EHBP1: variants seen among roughly 807,000 people sequenced by gnomAD.
EHBP1 encodes EH domain binding protein 1.
In EHBP1, 55 loss-of-function variants were observed where a neutral mutation model predicts 144.0. The ratio of observed to expected loss-of-function variants is 0.38; its 90% CI spans 0.31 to 0.48. The LOEUF (loss-of-function observed/expected upper bound fraction) is 0.48. EHBP1 is among the 20% of genes least tolerant of loss of function. EHBP1 has a pLI of 0.98. For synonymous variants in EHBP1, 469 were observed against 472.7 expected (o/e 0.99, Z 0.10); for missense variants, 1,200 against 1,364.2 (o/e 0.88, Z 1.90).
At chr2:62,757,428 T>A (rs2040390555) in intron 3 of EHBP1, among the ~76,000 whole-genome samples, 2 of 140,986 alleles carry the variant, frequency 1.4e-5, no homozygotes, top group Non-Finnish European at 3.1e-5. Flanking sequence ...TTTTTTTTCT[T>A]TTTTTTTTTT....
intron 2 of EHBP1, among the ~76,000 whole-genome samples, chr2:62,732,417 GTGTTCAGTTGTAA>G (rs1558570251): frequency 1.3e-5 from 2 of 152,046 alleles, no homozygotes; most frequent in African/African-American, 4.8e-5. Context: ...CCCAAATCTC[GTGTTCAGTTGTAA>G]TCCCCAATTT....
chr2:62,739,160 G>GA (rs1296901643), intron 2 of EHBP1, among the ~76,000 whole-genome samples: 1 of 152,184 alleles, frequency 6.6e-6, no homozygotes, highest in African/African-American at 2.4e-5. Context: ...GATGCAACCA[G>GA]AAAAAAGTTG....
At chr2:62,902,390 G>C (rs918747437) in intron 10 of EHBP1, among the ~76,000 whole-genome samples, 4 of 152,120 alleles carry the variant, frequency 2.6e-5, no homozygotes, top group African/African-American at 9.7e-5. Context: ...AGGAGGGGAA[G>C]AGTAAAAATA....
intron 4 of EHBP1, among the ~76,000 whole-genome samples, chr2:62,765,284 C>G (rs535327458): frequency 1.6e-4 from 25 of 152,072 alleles, no homozygotes; most frequent in South Asian, 4.1e-4. Flanking sequence ...GCCTCTTGGT[C>G]TCATTAAAAT....
At chr2:62,946,021 T>C (rs976190358) in intron 12 of EHBP1, among the ~76,000 whole-genome samples, 1 of 152,226 alleles carries the variant, frequency 6.6e-6, no homozygotes, top group African/African-American at 2.4e-5. Flanking sequence ...AATTAAATTA[T>C]ATCTTTGGGT....
intron 2 of EHBP1, among the ~76,000 whole-genome samples, chr2:62,736,453 A>G (rs1168854044): frequency 7.2e-5 from 11 of 151,736 alleles, no homozygotes; most frequent in Admixed American, 7.2e-4. Context: ...CGAACTCCTG[A>G]CCTCAAGTGA....
At chr2:62,699,171 A>C (rs1437781598) in intron 1 of EHBP1, among the ~76,000 whole-genome samples, 2 of 152,232 alleles carry the variant, frequency 1.3e-5, no homozygotes, top group Admixed American at 1.3e-4. Context: ...ATACAAATAT[A>C]ATCATCTATG....
chr2:62,996,841 G>A lies in EHBP1; in HGVS notation c.3103+75G>A, dbSNP rs562213438. On this transcript the variant is annotated intron_variant, in intron 19 of 22. Transcript: ENST00000431489. ...CAAACTCTTATAGAGTTTTGGAAGT[G>A]TGAATCTTTGAAGCCTGAATGTTCA... 3.8e-6 allele frequency: 6 copies of A among 1,563,362 alleles called. No individual in the cohort carries two copies. The African/African-American group carries it at 5.6e-5, about 15-fold the overall frequency.
intron 10 of EHBP1, among the ~76,000 whole-genome samples, chr2:62,882,163 G>A (rs1434913144): frequency 6.6e-6 from 1 of 152,164 alleles, no homozygotes; most frequent in Non-Finnish European, 1.5e-5. Flanking sequence ...TTGTTTGCCT[G>A]TATTTTTATT....
chr2:63,027,296 A>G (rs2061023066), intron 19 of EHBP1, among the ~76,000 whole-genome samples: 1 of 152,188 alleles, frequency 6.6e-6, no homozygotes, highest in Non-Finnish European at 1.5e-5. Flanking sequence ...TCTCTTTGAG[A>G]CATTGTTGTT....
intron 1 of EHBP1, among the ~76,000 whole-genome samples, chr2:62,687,321 C>A (rs1291984776): frequency 6.6e-6 from 1 of 152,152 alleles, no homozygotes; most frequent in Non-Finnish European, 1.5e-5. Context: ...AGGTAGAAAA[C>A]CTTCGTTTTG....
chr2:62,865,103 C>T (rs140235754), intron 9 of EHBP1, 132 bp downstream of exon 9: 101 of 1,010,730 alleles, frequency 1.0e-4, no homozygotes, highest in Non-Finnish European at 1.4e-4. Flanking sequence ...AACTCGTCCA[C>T]TATCTGAGTG....
intron 3 of EHBP1, among the ~76,000 whole-genome samples, chr2:62,754,273 C>G (rs556211660): frequency 6.6e-6 from 1 of 152,260 alleles, no homozygotes; most frequent in East Asian, 1.9e-4. Flanking sequence ...GACCCTGTTG[C>G]CTGGGTATCA....
intron 10 of EHBP1, among the ~76,000 whole-genome samples, chr2:62,886,588 A>T (rs1002540857): frequency 5.3e-5 from 8 of 152,210 alleles, no homozygotes; most frequent in Non-Finnish European, 1.0e-4. Flanking sequence ...GGATAAAGTT[A>T]CAAAGACTTA....
chr2:62,723,031 C>T (rs2036388184), intron 2 of EHBP1, among the ~76,000 whole-genome samples: 1 of 152,116 alleles, frequency 6.6e-6, no homozygotes, highest in Non-Finnish European at 1.5e-5. Flanking sequence ...TCCATTTGAT[C>T]CAGTGCTGGG....
In EHBP1 at chr2:62,802,304, C is replaced by A. The variant is rs527841204; in HGVS notation, c.313-23783C>A. Among the ~76,000 whole-genome samples, 5 of 152,226 alleles carry A rather than the reference C, an allele frequency of 3.3e-5. No homozygotes were observed. In the East Asian group the frequency reaches 9.7e-4, roughly 29 times the overall value. On this transcript the variant is annotated intron_variant, in intron 5 of 22. Coordinates refer to ENST00000431489, the MANE Select transcript of EHBP1 (RefSeq NM_001142616.3). The stretch of plus-strand genomic sequence containing the variant: ...GAGTCATGTCTTGCTGGAGGAGGGG[C>A]AGGGTATGCCACTGGCCATCTAGTG...
intron 10 of EHBP1, chr2:62,881,629 A>T (rs1349321209): frequency 6.6e-6 from 1 of 152,150 alleles, no homozygotes; most frequent in African/African-American, 2.4e-5. Context: ...TTTGTTGGAG[A>T]ATTTCAATTT....
At chr2:62,886,282 A>T (rs1461319616) in intron 10 of EHBP1, among the ~76,000 whole-genome samples, 1 of 152,212 alleles carries the variant, frequency 6.6e-6, no homozygotes, top group East Asian at 1.9e-4. Context: ...AAAATGTCAA[A>T]CCTTTCAAGG....
chr2:62,745,726 G>A lies in EHBP1; in HGVS notation c.105-1669G>A, dbSNP rs138992631. Among the ~76,000 whole-genome samples, 375 of 152,108 alleles carry A rather than the reference G, an allele frequency of 2.5e-3. 2 individuals carry two copies. The highest frequency in any genetic ancestry group is 8.2e-3 in the African/African-American group (341 of 41,520). ...ATAGGGTCTAGATAGATCATTTTAAGGAGTGAAGCTGGTCAGGTGTGAAGC... is the reference window on the plus strand; with the variant it reads ...ATAGGGTCTAGATAGATCATTTTAAAGAGTGAAGCTGGTCAGGTGTGAAGC... On this transcript the variant is annotated intron_variant, in intron 2 of 22. Coordinates refer to ENST00000431489, the MANE Select transcript of EHBP1 (RefSeq NM_001142616.3).
Sources: gnomAD v4.1 joint callset for allele counts (sites outside exome capture counted in the v4.1 genomes callset) on GRCh38, gnomAD v4.1.1 for gene constraint, MANE v1.5 for transcripts, NCBI Gene and HGNC (gene_info 2026-07-23, HGNC 2026-07-21) for gene names.